Variants in ZC3H14 observed in about 807,000 individuals in gnomAD.
ZC3H14 encodes the protein zinc finger CCCH-type containing 14.
ZC3H14 carries 31 observed loss-of-function variants against 92.4 expected under a neutral mutation model. The observed-to-expected ratio is 0.34, with a 90% confidence interval of 0.25 to 0.45. ZC3H14 has a LOEUF of 0.45. Ranked by LOEUF, ZC3H14 falls within the 20% of genes least tolerant of loss-of-function variation. ZC3H14 has a pLI of 1.00. For synonymous variants in ZC3H14, 321 were observed against 300.9 expected, an observed-to-expected ratio of 1.07 and a Z score of -0.69; for missense variants, 781 against 897.3, an observed-to-expected ratio of 0.87 and a Z score of 1.66.
rs569976969 is a variant in ZC3H14, at chr14:88,564,128, G to A, written c.79+435G>A. Among the ~76,000 whole-genome samples, 3 of 152,162 alleles carry A rather than the reference G, an allele frequency of 2.0e-5. 1 individual carries two copies. The highest frequency in any genetic ancestry group is 7.2e-5 in the African/African-American group (3 of 41,534). ...TGCCTGTTTAAAGTTTCCTATTCTTGTTACTTTCCTCTTGACATTTGTTTT... is the reference window on the plus strand; with the variant it reads ...TGCCTGTTTAAAGTTTCCTATTCTTATTACTTTCCTCTTGACATTTGTTTT... On this transcript the variant is annotated intron_variant, in intron 2 of 16. Transcript: ENST00000251038.
At chr14:88,571,257 T>A in intron 4 of ZC3H14, 133 bp downstream of exon 4, 1 of 691,816 alleles carries the variant, frequency 1.4e-6, no homozygotes, top group Non-Finnish European at 2.3e-6. Flanking sequence ...AGAAAGCACA[T>A]ACTTTTATGA....
At chr14:88,609,428 A>C (rs1403484496) in intron 14 of ZC3H14, 25 bp downstream of exon 14, 1 of 1,613,872 alleles carries the variant, frequency 6.2e-7, no homozygotes, top group Admixed American at 1.7e-5. Flanking sequence ...GTGCTACTAC[A>C]TTTGGGTAAA....
chr14:88,589,405 A>G (rs1437286790), intron 9 of ZC3H14: 1 of 152,058 alleles, frequency 6.6e-6, no homozygotes, highest in African/African-American at 2.4e-5. Flanking sequence ...CATTGCTGCA[A>G]TCTCTCACAG....
chr14:88,598,201 G>A (rs778061383), intron 10 of ZC3H14, among the ~76,000 whole-genome samples: 4 of 151,966 alleles, frequency 2.6e-5, no homozygotes, highest in Non-Finnish European at 5.9e-5. Flanking sequence ...TGGTATTCTG[G>A]GTTCATGAGT....
intron 15 of ZC3H14, among the ~76,000 whole-genome samples, chr14:88,610,499 A>T (rs1401460271): frequency 6.6e-6 from 1 of 151,868 alleles, no homozygotes; most frequent in Admixed American, 6.6e-5. Flanking sequence ...TGGGCTGGTT[A>T]TTGTCTCCTA....
intron 1 of ZC3H14, 152 bp from the exon 2 acceptor site, chr14:88,563,487 AGTGGGGTGCGGG>A: frequency 6.9e-7 from 1 of 1,441,774 alleles, no homozygotes; most frequent in Non-Finnish European, 9.3e-7. Context: ...CTGGAGCTGG[AGTGGGGTGCGGG>A]GTGGGGGGCG....
In ZC3H14 at chr14:88,595,007, CAT is replaced by C. The variant is rs766783207; in HGVS notation, c.1280-1724_1280-1723del. 12 of 1,613,766 alleles carry C rather than the reference CAT, an allele frequency of 7.4e-6. No individual in the cohort carries two copies. The South Asian group carries it at 7.7e-5, about 10-fold the overall frequency. The stretch of plus-strand genomic sequence containing the variant: ...GTTAAAATGAATGAATATTCAACAA[CAT>C]ATGAATGCAACAGACAGTTTGAAGA... On this transcript the variant is annotated intron_variant, in intron 9 of 16. Coordinates refer to ENST00000251038, the MANE Select transcript of ZC3H14 (RefSeq NM_024824.5).
chr14:88,577,336 G>T (rs542265301), intron 8 of ZC3H14, among the ~76,000 whole-genome samples: 3 of 152,154 alleles, frequency 2.0e-5, no homozygotes, highest in South Asian at 4.1e-4. Flanking sequence ...CTTTACCTAG[G>T]TTATCTAAAT....
At chr14:88,576,930 A>T (rs1464225983) in intron 8 of ZC3H14, among the ~76,000 whole-genome samples, 1 of 152,092 alleles carries the variant, frequency 6.6e-6, no homozygotes, top group Non-Finnish European at 1.5e-5. Context: ...AGCTGGGATT[A>T]CAGGCGCCCA....
At position 88,622,887 on chromosome 14, in the gene ZC3H14, T is replaced by C; in HGVS notation, c.*11136T>C. 2.1e-6 allele frequency: 1 copy of C among 468,768 alleles called. No homozygotes were observed. The allele number at this position is 468,768 out of a possible 1,614,324, so 29.0% of individuals were successfully genotyped here. On this transcript the variant is annotated 3_prime_UTR_variant, in exon 17 of 17. Transcript: ENST00000251038. ...TTTCTATGGCAATTTGAGGATATAC[T>C]ATATCTCAGTCAAAATAAACATCCA...
chr14:88,598,102 T>G (rs1366873109), intron 10 of ZC3H14, among the ~76,000 whole-genome samples: 1 of 152,216 alleles, frequency 6.6e-6, no homozygotes, highest in Non-Finnish European at 1.5e-5. Context: ...GTGGTCTGTT[T>G]TGGCTGTCTT....
In ZC3H14 at chr14:88,609,782, A is replaced by C; in HGVS notation, c.2076A>C (p.Glu692Asp). ...ACTTCCCTGCTTGTAAGAAGATGGA[A>C]TGTCCCTTCTATCATCCAAAAGTAA... is the stretch of plus-strand genomic sequence containing the variant. Reference protein sequence around the residue: ...CRYFPACKKMECPFYHPKHCR... With the variant: ...CRYFPACKKMDCPFYHPKHCR... The change falls in exon 15 of 17, where the codon GAA becomes GAC. Residue 692 changes from glutamate to aspartate, a missense_variant. This residue lies in a region of ZC3H14 where 221 missense variants were observed against 304.7 expected (regional missense o/e 0.73). Transcript: ENST00000251038. 6.2e-7 allele frequency: 1 copy of C among 1,614,126 alleles called. No homozygotes were observed. Among genetic ancestry groups the C allele is most frequent in the South Asian group, 1.1e-5 (1 of 91,086 alleles).
intron 3 of ZC3H14, 77 bp from the exon 4 acceptor site, chr14:88,571,007 C>T: frequency 8.4e-7 from 1 of 1,187,434 alleles, no homozygotes; most frequent in Non-Finnish European, 1.2e-6. Context: ...AATATAATGT[C>T]ATAAATTTAG....
intron 12 of ZC3H14, among the ~76,000 whole-genome samples, chr14:88,606,771 GTAAA>G (rs2085478635): frequency 9.3e-6 from 1 of 107,720 alleles, no homozygotes; most frequent in African/African-American, 3.2e-5. Flanking sequence ...AAAAAAAAAA[GTAAA>G]AGACATTGCT....
chr14:88,564,877 G>A (rs370462785), intron 2 of ZC3H14, among the ~76,000 whole-genome samples: 3 of 152,240 alleles, frequency 2.0e-5, no homozygotes, highest in African/African-American at 7.2e-5. Flanking sequence ...TTTTAGTTGA[G>A]AACTAAGCTA....
rs532787299 is a variant in ZC3H14, at chr14:88,604,833, A to T, written c.1747+1773A>T. 3.0e-3 allele frequency among the ~76,000 whole-genome samples: 463 copies of T among 152,212 alleles called. 3 individuals carry two copies. The highest frequency in any genetic ancestry group is 5.3e-3 in the Non-Finnish European group (359 of 68,006). ...AATCTCCAACTCCTGACCTCAAGTGATCCACCAACCTCGGCCTCCCAAAGT... is the reference window on the plus strand; with the variant it reads ...AATCTCCAACTCCTGACCTCAAGTGTTCCACCAACCTCGGCCTCCCAAAGT... On this transcript the variant is annotated intron_variant, in intron 12 of 16. Coordinates refer to ENST00000251038, the MANE Select transcript of ZC3H14 (RefSeq NM_024824.5).
intron 9 of ZC3H14, among the ~76,000 whole-genome samples, chr14:88,593,699 T>C (rs1054429271): frequency 2.6e-5 from 4 of 152,166 alleles, no homozygotes; most frequent in African/African-American, 9.7e-5. Context: ...TGGAACCTTA[T>C]CTTATGTCAT....
At chr14:88,600,583 G>A (rs577862519) in intron 10 of ZC3H14, among the ~76,000 whole-genome samples, 3 of 151,980 alleles carry the variant, frequency 2.0e-5, no homozygotes, top group South Asian at 2.1e-4. Flanking sequence ...CTGGGACTGC[G>A]GGCATGTGCT....
At chr14:88,567,691 C>G (rs1443263582) in intron 2 of ZC3H14, among the ~76,000 whole-genome samples, 1 of 152,118 alleles carries the variant, frequency 6.6e-6, no homozygotes, top group African/African-American at 2.4e-5. Context: ...AAACAAAACT[C>G]AATTCTTTTT....
Sources: allele counts gnomAD v4.1 joint callset (sites outside exome capture counted in the v4.1 genomes callset), GRCh38; gene constraint gnomAD v4.1.1; regional missense constraint gnomAD v4.1.1; transcripts MANE v1.5; gene names NCBI Gene and HGNC (gene_info 2026-07-23, HGNC 2026-07-21).